HHIP: variants seen among roughly 807,000 people sequenced by gnomAD.
HHIP encodes the protein hedgehog-interacting protein.
A neutral mutation model predicts 74.0 loss-of-function variants in HHIP; 12 were observed. That is an observed-to-expected ratio of 0.16 (90% CI 0.10 to 0.26). The LOEUF (loss-of-function observed/expected upper bound fraction) is 0.26, where lower values mean the gene tolerates loss of function less well. HHIP is among the 10% of genes least tolerant of loss of function. The pLI is 1.00. For missense variants in HHIP, 788 were observed against 845.0 expected, an observed-to-expected ratio of 0.93 and a Z score of 0.84; for synonymous variants, 309 against 311.6, an observed-to-expected ratio of 0.99 and a Z score of 0.09.
rs1728628704 is a variant in HHIP at position 144,659,022 on chromosome 4, A to C, written c.629+76A>C. The C allele has an allele frequency of 1.0e-5, 12 of 1,195,964 alleles. No individual in the cohort carries two copies. The South Asian group carries it at 1.5e-4, about 15-fold the overall frequency. 74.1% of individuals were successfully genotyped at this position (1,195,964 alleles called of 1,614,324 possible). On this transcript the variant is annotated intron_variant, in intron 3 of 12. Coordinates refer to ENST00000296575, the MANE Select transcript of HHIP (RefSeq NM_022475.3). ...AATCTTGTGGTTTTGACAGTGAATC[A>C]ACTGTCTGTGCTTATGTTCAGCAGC...
In HHIP at chr4:144,740,311, C is replaced by T. The variant is rs2126699510; in HGVS notation, c.*2354C>T. The T allele has an allele frequency of 6.6e-6, 1 of 152,226 alleles. No individual in the cohort carries two copies. The highest frequency in any genetic ancestry group is 3.4e-3 in the Middle Eastern group (1 of 294). The allele number at this position is 152,226 out of a possible 1,614,324, so 9.4% of individuals were successfully genotyped here. A position where few individuals can be genotyped will look rare whatever the true frequency, so the allele number is the denominator to read the frequency against. Reference sequence around the variant, plus strand: ...TTTTAAAATATCTATATTAAGTTGACCAGGCCCAGATTTTTTATACAGCTT... The same window carrying T: ...TTTTAAAATATCTATATTAAGTTGATCAGGCCCAGATTTTTTATACAGCTT... On this transcript the variant is annotated 3_prime_UTR_variant, in exon 13 of 13. Transcript: ENST00000296575.
At chr4:144,698,980 G>T (rs1186564217) in intron 4 of HHIP, among the ~76,000 whole-genome samples, 1 of 152,098 alleles carries the variant, frequency 6.6e-6, no homozygotes, top group Non-Finnish European at 1.5e-5. Context: ...TTCTTTCTGG[G>T]ATATTTTCTG....
intron 11 of HHIP, among the ~76,000 whole-genome samples, chr4:144,723,843 T>C (rs1730714788): frequency 1.3e-5 from 2 of 152,226 alleles, no homozygotes; most frequent in South Asian, 4.1e-4. Context: ...CCATTCAGCA[T>C]GGTGGATTTG....
chr4:144,722,331 G>A (rs1730661685), intron 11 of HHIP, among the ~76,000 whole-genome samples: 1 of 152,090 alleles, frequency 6.6e-6, no homozygotes, highest in Non-Finnish European at 1.5e-5. Flanking sequence ...TCACCATACT[G>A]TGTCCCTTTG....
At position 144,646,590 on chromosome 4, in the gene HHIP, C is replaced by T. The variant is rs1284181477; in HGVS notation, c.-86C>T. 2.8e-6 allele frequency: 4 copies of T among 1,426,522 alleles called. No individual in the cohort carries two copies. Among genetic ancestry groups the T allele is most frequent in the African/African-American group, 1.4e-5 (1 of 70,306 alleles). The allele number at this position is 1,426,522 out of a possible 1,614,324, so 88.4% of individuals were successfully genotyped here. On this transcript the variant is annotated 5_prime_UTR_variant, in exon 1 of 13. Coordinates refer to ENST00000296575, the MANE Select transcript of HHIP (RefSeq NM_022475.3). Reference sequence around the variant, plus strand: ...GTGCCCTACAGCCCCGCAAACTCCTCCTGGAGCTGCGCCCTAGTGCCCCTG... The same window carrying T: ...GTGCCCTACAGCCCCGCAAACTCCTTCTGGAGCTGCGCCCTAGTGCCCCTG...
chr4:144,656,766 A>G lies in HHIP; in HGVS notation c.473-2024A>G, dbSNP rs146724070. On this transcript the variant is annotated intron_variant, in intron 2 of 12. Coordinates refer to ENST00000296575, the MANE Select transcript of HHIP (RefSeq NM_022475.3). ...ATATTTCCAAAACAAGATCTAGCCC[A>G]AAACTGTGCAAAGAGTTTGATTTAA... 9.8e-4 allele frequency among the ~76,000 whole-genome samples: 149 copies of G among 152,302 alleles called. 1 individual carries two copies. The highest frequency in any genetic ancestry group is 3.4e-3 in the African/African-American group (141 of 41,560).
chr4:144,690,987 C>G (rs186713572), intron 4 of HHIP, among the ~76,000 whole-genome samples: 135 of 152,232 alleles, frequency 8.9e-4, no homozygotes, highest in Admixed American at 2.5e-3. Context: ...GCCAAAGTCA[C>G]TCCAGCATTA....
chr4:144,661,989 C>A (rs900861414), intron 4 of HHIP, among the ~76,000 whole-genome samples: 2 of 152,134 alleles, frequency 1.3e-5, no homozygotes, highest in African/African-American at 4.8e-5. Flanking sequence ...AACCTCCACA[C>A]GTTTGAAATT....
At chr4:144,681,351 T>TA (rs927664890) in intron 4 of HHIP, among the ~76,000 whole-genome samples, 34 of 145,382 alleles carry the variant, frequency 2.3e-4, no homozygotes, top group Admixed American at 6.2e-4. Flanking sequence ...GCACTAAACA[T>TA]AAAAAAAAAG....
chr4:144,742,409 T>G lies in HHIP; in HGVS notation c.*4452T>G, dbSNP rs1378838511. ...AGGCTCCAATTCAGCTGCTCTAGCA[T>G]AGATACAGGAAAGACATGGAGAATA... On this transcript the variant is annotated 3_prime_UTR_variant, in exon 13 of 13. Coordinates refer to ENST00000296575, the MANE Select transcript of HHIP (RefSeq NM_022475.3). The G allele has an allele frequency of 1.3e-5, 2 of 152,108 alleles. No individual in the cohort carries two copies. The highest frequency in any genetic ancestry group is 2.9e-5 in the Non-Finnish European group (2 of 68,000). 9.4% of individuals were successfully genotyped at this position (152,108 alleles called of 1,614,324 possible). A position where few individuals can be genotyped will look rare whatever the true frequency, so the allele number is the denominator to read the frequency against.
intron 4 of HHIP, among the ~76,000 whole-genome samples, chr4:144,680,916 G>A (rs2126620805): frequency 6.6e-6 from 1 of 152,200 alleles, no homozygotes; most frequent in Admixed American, 6.5e-5. Flanking sequence ...GTATTGACCT[G>A]CAAAATACTA....
At chr4:144,699,082 A>G (rs991293028) in intron 4 of HHIP, among the ~76,000 whole-genome samples, 1 of 152,162 alleles carries the variant, frequency 6.6e-6, no homozygotes, top group Admixed American at 6.5e-5. Flanking sequence ...CAATTCTGAA[A>G]CTATCTGGAC....
intron 4 of HHIP, among the ~76,000 whole-genome samples, chr4:144,664,341 A>G (rs1046932013): frequency 6.6e-6 from 1 of 152,242 alleles, no homozygotes; most frequent in Admixed American, 6.5e-5. Flanking sequence ...AGGGTCCACC[A>G]GGGCAAGCCC....
At chr4:144,662,303 C>A (rs933624328) in intron 4 of HHIP, among the ~76,000 whole-genome samples, 1 of 152,038 alleles carries the variant, frequency 6.6e-6, no homozygotes, top group Non-Finnish European at 1.5e-5. Flanking sequence ...CAGCCAAGAG[C>A]CAATCATAAG....
At chr4:144,725,663 CGTGTGT>C (rs113672793) in intron 11 of HHIP, among the ~76,000 whole-genome samples, 1 of 144,510 alleles carries the variant, frequency 6.9e-6, no homozygotes, top group African/African-American at 2.5e-5. Flanking sequence ...TGTGCGCGTG[CGTGTGT>C]GTGTGTGTGT....
rs181416684 is a variant in HHIP at position 144,720,741 on chromosome 4, G to A, written c.1760+1785G>A. Among the ~76,000 whole-genome samples the A allele has an allele frequency of 1.1e-4, 17 of 152,182 alleles. No individual in the cohort carries two copies. In the East Asian group the frequency reaches 2.7e-3, roughly 24 times the overall value. On this transcript the variant is annotated intron_variant, in intron 11 of 12. Coordinates refer to ENST00000296575, the MANE Select transcript of HHIP (RefSeq NM_022475.3). The stretch of plus-strand genomic sequence containing the variant: ...GAAGTAGCAGAGTCCCAAAGAAACC[G>A]TCCTTGTACACAGACATGAGCATAA...
chr4:144,655,144 TAAGA>T lies in HHIP; in HGVS notation c.472+2350_472+2353del, dbSNP rs1468885526. The T allele has an allele frequency of 2.6e-5, 4 of 152,348 alleles. No homozygotes were observed. The East Asian group carries it at 7.7e-4, about 29-fold the overall frequency. The allele number at this position is 152,348 out of a possible 1,614,324, so 9.4% of individuals were successfully genotyped here. On this transcript the variant is annotated intron_variant, in intron 2 of 12. Transcript: ENST00000296575. ...ATAGCTACTTCCTAGAAAGCTTAAT[TAAGA>T]AATAGTCATAGTCTGCTTATTTTCC...
At chr4:144,729,045 C>T (rs543053934) in intron 11 of HHIP, among the ~76,000 whole-genome samples, 13 of 152,034 alleles carry the variant, frequency 8.6e-5, no homozygotes, top group Non-Finnish European at 1.3e-4. Context: ...AAGACAATTA[C>T]GAAGAAGAAA....
At chr4:144,728,854 G>A (rs568617739) in intron 11 of HHIP, among the ~76,000 whole-genome samples, 19 of 152,104 alleles carry the variant, frequency 1.2e-4, no homozygotes, top group African/African-American at 4.6e-4. Context: ...ATGATTCCTC[G>A]GCGAAATTTA....
Sources: gnomAD v4.1 joint callset for allele counts (sites outside exome capture counted in the v4.1 genomes callset) on GRCh38, gnomAD v4.1.1 for gene constraint, MANE v1.5 for transcripts, NCBI Gene and HGNC (gene_info 2026-07-23, HGNC 2026-07-21) for gene names.